The following GUCY1A2 variants were observed in gnomAD, a reference collection of about 807,000 sequenced individuals.
GUCY1A2 encodes guanylate cyclase 1 soluble subunit alpha 2.
In GUCY1A2, 27 loss-of-function variants were observed where a neutral mutation model predicts 63.5. That is an observed-to-expected ratio of 0.43 (90% CI 0.31 to 0.59). The LOEUF is 0.59. Ranked by LOEUF, GUCY1A2 falls within the 20% of genes least tolerant of loss-of-function variation. The pLI is 0.11. For missense variants in GUCY1A2, 768 were observed against 913.3 expected (o/e 0.84, Z 2.05); for synonymous variants, 364 against 343.5 (o/e 1.06, Z -0.66).
In GUCY1A2 at chr11:106,940,159, A is replaced by T; in HGVS notation, c.507T>A (p.Ile169=). 6.4e-7 allele frequency: 1 copy of T among 1,573,466 alleles called. No homozygotes were observed. Among genetic ancestry groups the T allele is most frequent in the African/African-American group, 1.4e-5 (1 of 73,908 alleles). The change falls in exon 4 of 8, where the codon ATT becomes ATA. Residue 169 remains isoleucine (I), a synonymous_variant. Coordinates refer to ENST00000526355, the MANE Select transcript of GUCY1A2 (RefSeq NM_000855.3). ...ANILGLKFEE[I]QKRFGEEFFN... is the part of the protein sequence containing the mutation. ...AGAACTCTTCACCAAATCTTTTTTGAATTTCCTCAAACTTCAAACCTAGAG... is the reference window on the plus strand; with the variant it reads ...AGAACTCTTCACCAAATCTTTTTTGTATTTCCTCAAACTTCAAACCTAGAG...
chr11:106,721,576 G>A (rs535389442), intron 6 of GUCY1A2, among the ~76,000 whole-genome samples: 1 of 152,242 alleles, frequency 6.6e-6, no homozygotes, highest in South Asian at 2.1e-4. Context: ...CATTTATTCT[G>A]TTTGGGCATT....
intron 6 of GUCY1A2, among the ~76,000 whole-genome samples, chr11:106,746,962 C>A (rs1863798836): frequency 6.6e-6 from 1 of 152,066 alleles, no homozygotes; most frequent in Admixed American, 6.6e-5. Flanking sequence ...AGTCACTGTC[C>A]TTTAAGAATC....
chr11:106,742,739 C>T (rs1472012823), intron 6 of GUCY1A2, among the ~76,000 whole-genome samples: 1 of 152,064 alleles, frequency 6.6e-6, no homozygotes, highest in Non-Finnish European at 1.5e-5. Flanking sequence ...ATATTTCTGC[C>T]TCTAGGTCTT....
chr11:106,709,371 AATTATATATATTATAT>A (rs1465738202), intron 6 of GUCY1A2, among the ~76,000 whole-genome samples: 11 of 90,272 alleles, frequency 1.2e-4, no homozygotes, highest in Admixed American at 1.8e-4. Flanking sequence ...AATATATATA[AATTATATATATTATAT>A]ATTATATAAA....
intron 1 of GUCY1A2, among the ~76,000 whole-genome samples, chr11:106,996,805 T>C (rs1263750187): frequency 5.3e-5 from 8 of 152,160 alleles, no homozygotes; most frequent in Non-Finnish European, 1.2e-4. Flanking sequence ...CCTAGCTCCA[T>C]TGCTTCCACT....
At chr11:106,778,263 T>C (rs751403310) in intron 5 of GUCY1A2, among the ~76,000 whole-genome samples, 2 of 152,216 alleles carry the variant, frequency 1.3e-5, no homozygotes, top group African/African-American at 2.4e-5. Flanking sequence ...GTGCTCCATG[T>C]TCCTTCCTTT....
At chr11:106,729,101 G>A (rs1863456427) in intron 6 of GUCY1A2, among the ~76,000 whole-genome samples, 1 of 152,094 alleles carries the variant, frequency 6.6e-6, no homozygotes, top group Admixed American at 6.6e-5. Flanking sequence ...TGCTTTTATG[G>A]TATTTAAAGT....
At chr11:106,959,709 T>C (rs1374569030) in intron 3 of GUCY1A2, among the ~76,000 whole-genome samples, 1 of 152,214 alleles carries the variant, frequency 6.6e-6, no homozygotes, top group African/African-American at 2.4e-5. Context: ...TCTGAAGAGA[T>C]CAGCTGAGAC....
chr11:106,853,089 C>T (rs1367024611), intron 4 of GUCY1A2, among the ~76,000 whole-genome samples: 1 of 152,120 alleles, frequency 6.6e-6, no homozygotes, highest in African/African-American at 2.4e-5. Flanking sequence ...TTACTGTTGC[C>T]TGTTTGACTA....
At chr11:106,799,984 T>G (rs1471393290) in intron 5 of GUCY1A2, among the ~76,000 whole-genome samples, 2 of 152,060 alleles carry the variant, frequency 1.3e-5, no homozygotes, top group Admixed American at 6.6e-5. Context: ...ATTTTTGCAA[T>G]TTACTCATCT....
intron 5 of GUCY1A2, among the ~76,000 whole-genome samples, chr11:106,778,475 C>A (rs770130153): frequency 2.0e-5 from 3 of 152,024 alleles, no homozygotes; most frequent in Non-Finnish European, 2.9e-5. Context: ...CTGGCTAACA[C>A]GGTGAAACCC....
chr11:106,943,857 A>G (rs2119989890), intron 3 of GUCY1A2, among the ~76,000 whole-genome samples: 1 of 152,240 alleles, frequency 6.6e-6, no homozygotes, highest in East Asian at 1.9e-4. Context: ...AAGTAGAAGA[A>G]AAACAGTATC....
At chr11:106,746,599 C>T (rs750332433) in intron 6 of GUCY1A2, 3 of 1,596,760 alleles carry the variant, frequency 1.9e-6, no homozygotes, top group Non-Finnish European at 2.5e-6. Context: ...CTGGAACCAG[C>T]TGGATGGAAA....
rs918695258 is a variant in GUCY1A2, at chr11:107,018,403, A to T, written c.-348T>A. ...CTCCCGCTCACGGGGAGGCTCCGAG[A>T]GTGTGTGACCGCGGTCGGCGGGGCG... On this transcript the variant is annotated 5_prime_UTR_variant, in exon 1 of 8. Transcript: ENST00000526355. 4 of 149,182 alleles carry T rather than the reference A, an allele frequency of 2.7e-5. No individual in the cohort carries two copies. The highest frequency in any genetic ancestry group is 9.9e-5 in the African/African-American group (4 of 40,530). The allele number at this position is 149,182 out of a possible 1,614,324, so 9.2% of individuals were successfully genotyped here. A position where few individuals can be genotyped will look rare whatever the true frequency, so the allele number is the denominator to read the frequency against.
At chr11:106,698,990 G>A (rs183852132) in intron 7 of GUCY1A2, among the ~76,000 whole-genome samples, 1 of 152,200 alleles carries the variant, frequency 6.6e-6, no homozygotes, top group African/African-American at 2.4e-5. Flanking sequence ...CAAAGAAAAT[G>A]CTTCATAAAC....
chr11:107,017,789 C>G lies in GUCY1A2; in HGVS notation c.267G>C (p.Ser89=). Residue 89 remains serine (S), a synonymous_variant, in exon 1 of 8, where the codon TCG becomes TCC. Transcript: ENST00000526355. ...TCAGGCGGCTGATGCTCTCGCCCAG[C>G]GAGTCCAGGTTGACCCGCCTCCGGC... is the stretch of plus-strand genomic sequence containing the variant. ...VQRRRRVNLD[S]LGESISRLTA... 1 of 1,428,818 alleles carries G rather than the reference C, an allele frequency of 7.0e-7. No homozygotes were observed. 88.5% of individuals were successfully genotyped at this position (1,428,818 alleles called of 1,614,324 possible). A position where few individuals can be genotyped will look rare whatever the true frequency, so the allele number is the denominator to read the frequency against.
At chr11:106,878,832 T>C (rs1591311671) in intron 4 of GUCY1A2, among the ~76,000 whole-genome samples, 1 of 151,910 alleles carries the variant, frequency 6.6e-6, no homozygotes, top group East Asian at 1.9e-4. Context: ...CAAATGGATT[T>C]TTCCCTGGAG....
At chr11:106,991,597 T>C (rs17106293) in intron 1 of GUCY1A2, among the ~76,000 whole-genome samples, 24,720 of 152,140 alleles carry the variant, frequency 0.16, 2,119 homozygotes, top group African/African-American at 0.17. Flanking sequence ...TCTGAATAAG[T>C]CGGCATTAAT....
At chr11:106,843,357 C>T (rs1859226714) in intron 4 of GUCY1A2, among the ~76,000 whole-genome samples, 2 of 151,458 alleles carry the variant, frequency 1.3e-5, no homozygotes, top group Non-Finnish European at 2.9e-5. Flanking sequence ...GATGGGTGCA[C>T]CAAAATCTAT....
Sources: gnomAD v4.1 joint callset for allele counts (sites outside exome capture counted in the v4.1 genomes callset) on GRCh38, gnomAD v4.1.1 for gene constraint, MANE v1.5 for transcripts, NCBI Gene and HGNC (gene_info 2026-07-23, HGNC 2026-07-21) for gene names.